The following DOCK7 variants were observed in gnomAD, a reference collection of about 807,000 sequenced individuals.
DOCK7 encodes dedicator of cytokinesis protein 7.
In DOCK7, 138 loss-of-function variants were observed where a neutral mutation model predicts 271.0. That is an observed-to-expected ratio of 0.51 (90% CI 0.44 to 0.59). The LOEUF (loss-of-function observed/expected upper bound fraction) is 0.59, where lower values mean the gene tolerates loss of function less well. Ranked by LOEUF, DOCK7 falls within the 20% of genes least tolerant of loss-of-function variation. The pLI is 0.00. For missense variants in DOCK7, 2,066 were observed against 2,592.4 expected (o/e 0.80, Z 4.41); for synonymous variants, 823 against 876.1 (o/e 0.94, Z 1.07).
At chr1:62,488,123 A>G (rs941994466) in intron 42 of DOCK7, 1 of 152,412 alleles carries the variant, frequency 6.6e-6, no homozygotes, top group Non-Finnish European at 1.5e-5. Context: ...ACTGAATACA[A>G]AAGTGGATAG....
intron 1 of DOCK7, among the ~76,000 whole-genome samples, chr1:62,686,850 GAA>G (rs944837386): frequency 6.9e-6 from 1 of 144,624 alleles, no homozygotes; most frequent in South Asian, 2.3e-4. Flanking sequence ...GCCCCTTCAG[GAA>G]AAAAAAAGTG....
intron 14 of DOCK7, chr1:62,597,543 T>C: frequency 6.2e-7 from 1 of 1,611,652 alleles, no homozygotes; most frequent in Non-Finnish European, 8.5e-7. Context: ...TCCACGTTGC[T>C]TGAAATTGAA....
chr1:62,560,391 C>T (rs1646284048), intron 19 of DOCK7, among the ~76,000 whole-genome samples: 1 of 152,120 alleles, frequency 6.6e-6, no homozygotes, highest in African/African-American at 2.4e-5. Flanking sequence ...ACCCAAACTT[C>T]AAACTAATTA....
At chr1:62,568,132 A>G (rs1646584721) in intron 18 of DOCK7, among the ~76,000 whole-genome samples, 1 of 152,120 alleles carries the variant, frequency 6.6e-6, no homozygotes, top group Non-Finnish European at 1.5e-5. Context: ...GAAATTGCAC[A>G]ATTGCTCCTG....
In DOCK7 at chr1:62,674,324, C is replaced by G. The variant is rs546113586; in HGVS notation, c.39-11194G>C. On this transcript the variant is annotated intron_variant, in intron 1 of 49. Transcript: ENST00000635253. ...AAATAAATAGACCCCCCCCACCAAC[C>G]ATTTTCATGGATTGGAAGACTCAAT... 1.2e-4 allele frequency among the ~76,000 whole-genome samples: 19 copies of G among 152,160 alleles called. No individual in the cohort carries two copies. The South Asian group carries it at 3.7e-3, about 30-fold the overall frequency.
intron 10 of DOCK7, 127 bp downstream of exon 10, chr1:62,633,371 C>A: frequency 2.9e-6 from 2 of 685,560 alleles, no homozygotes; most frequent in Admixed American, 2.6e-5. Context: ...AGTAAAATTC[C>A]TTAATATGCT....
intron 14 of DOCK7, chr1:62,604,501 T>C (rs1650654763): frequency 9.7e-7 from 1 of 1,029,772 alleles, no homozygotes. Context: ...ATACAGATTA[T>C]TTAAAACTGG....
intron 28 of DOCK7, among the ~76,000 whole-genome samples, chr1:62,536,803 C>T (rs1418026696): frequency 6.6e-6 from 1 of 152,152 alleles, no homozygotes; most frequent in Non-Finnish European, 1.5e-5. Context: ...AAGTAGCCTC[C>T]TTGCCTCAGG....
chr1:62,598,877 T>C, intron 14 of DOCK7: 2 of 910,918 alleles, frequency 2.2e-6, no homozygotes, highest in South Asian at 1.4e-5. Flanking sequence ...CCTAAAATTA[T>C]TTACAAGCTT....
At chr1:62,607,096 C>T (rs1651108809) in intron 14 of DOCK7, among the ~76,000 whole-genome samples, 1 of 152,124 alleles carries the variant, frequency 6.6e-6, no homozygotes, top group Non-Finnish European at 1.5e-5. Context: ...GTCCCAGCTA[C>T]TCAAGAGGCT....
intron 18 of DOCK7, among the ~76,000 whole-genome samples, chr1:62,576,101 T>C (rs1240940533): frequency 6.6e-6 from 1 of 152,176 alleles, no homozygotes; most frequent in Non-Finnish European, 1.5e-5. Flanking sequence ...TGAGTGTCTA[T>C]GATGTGCCAA....
chr1:62,558,132 T>A (rs929628653), intron 20 of DOCK7, among the ~76,000 whole-genome samples: 1 of 152,182 alleles, frequency 6.6e-6, no homozygotes, highest in African/African-American at 2.4e-5. Context: ...TTACCTCTAA[T>A]CAATCCTCTA....
At chr1:62,604,595 A>T in intron 14 of DOCK7, 1 of 1,573,890 alleles carries the variant, frequency 6.4e-7, no homozygotes, top group Non-Finnish European at 8.7e-7. Flanking sequence ...ACTACATACG[A>T]GTCTGTACCC....
chr1:62,673,700 A>G (rs1660250318), intron 1 of DOCK7, among the ~76,000 whole-genome samples: 1 of 152,152 alleles, frequency 6.6e-6, no homozygotes, highest in Admixed American at 6.5e-5. Flanking sequence ...AAGTATACAT[A>G]ATTAGTTGCT....
In DOCK7 at chr1:62,508,055, T is replaced by C. The variant is rs1489523147; in HGVS notation, c.4383A>G (p.Ser1461=). 6.2e-7 allele frequency: 1 copy of C among 1,605,356 alleles called. No individual in the cohort carries two copies. Among genetic ancestry groups the C allele is most frequent in the Non-Finnish European group, 8.5e-7 (1 of 1,177,702 alleles). The part of the protein sequence containing the change: ...WRQNTEKLDK[S]RAEIEHEALI... ...GTGCTTCGTGTTCAATCTCTGCTCT[T>C]GATCTAATACAAAATATTGTAAGAA... Residue 1461 remains serine, a synonymous_variant, in exon 35 of 50, where the codon TCA becomes TCG. Transcript: ENST00000635253.
chr1:62,521,712 A>C (rs957720245), intron 31 of DOCK7, among the ~76,000 whole-genome samples: 1 of 152,248 alleles, frequency 6.6e-6, no homozygotes, highest in African/African-American at 2.4e-5. Context: ...GCAGTGGTTC[A>C]CACCTGTAAT....
intron 48 of DOCK7, among the ~76,000 whole-genome samples, chr1:62,471,534 G>C (rs1185566978): frequency 1.3e-5 from 2 of 152,142 alleles, no homozygotes; most frequent in Non-Finnish European, 2.9e-5. Context: ...AACCAGGCAT[G>C]GTGGTGCACA....
intron 48 of DOCK7, among the ~76,000 whole-genome samples, chr1:62,461,621 C>T (rs559289783): frequency 6.6e-6 from 1 of 151,120 alleles, no homozygotes; most frequent in African/African-American, 2.4e-5. Flanking sequence ...GAGCCATGAT[C>T]ACACCACTGC....
intron 18 of DOCK7, among the ~76,000 whole-genome samples, chr1:62,566,359 A>C (rs1384116370): frequency 6.6e-6 from 1 of 152,200 alleles, no homozygotes; most frequent in Non-Finnish European, 1.5e-5. Context: ...ATATAGACCA[A>C]GGAAACAGAA....
Sources: gnomAD v4.1 joint callset for allele counts (sites outside exome capture counted in the v4.1 genomes callset) on GRCh38, gnomAD v4.1.1 for gene constraint, MANE v1.5 for transcripts, NCBI Gene and HGNC (gene_info 2026-07-23, HGNC 2026-07-21) for gene names.